Variants in ZBED6 observed in about 807,000 individuals in gnomAD.
ZBED6 encodes the protein zinc finger BED-type containing 6.
In ZBED6, 40 loss-of-function variants were observed where a neutral mutation model predicts 58.4. The observed-to-expected ratio is 0.68, with a 90% CI of 0.53 to 0.89. ZBED6 has a LOEUF of 0.89. Among genes scored for constraint, ZBED6 ranks in the 40% least tolerant of loss-of-function variants. The pLI is 0.00. For synonymous variants in ZBED6, 439 were observed against 350.6 expected (o/e 1.25, Z -2.82); for missense variants, 1,057 against 1,003.9 (o/e 1.05, Z -0.71).
At chr1:203,847,139 G>T in intron 11 of ZBED6, 45 bp from the exon 12 acceptor site, 1 of 1,600,144 alleles carries the variant, frequency 6.2e-7, no homozygotes, top group South Asian at 1.1e-5. Flanking sequence ...GTCAGTAAGA[G>T]ATGAACTTCA....
exon 1 of ZBED6, chr1:203,795,886 C>T (rs911527014): frequency 3.3e-5 from 5 of 151,914 alleles, no homozygotes; most frequent in South Asian, 4.2e-4. Context: ...TCCCCTCGCC[C>T]CTGGGTCGCG....
chr1:203,800,531 A>G lies in ZBED6; in HGVS notation c.*69A>G, dbSNP rs1571889803. On this transcript the variant is annotated 3_prime_UTR_variant, in exon 1 of 17. Transcript: ENST00000550078. The stretch of plus-strand genomic sequence containing the variant: ...CTGTATCTTAATAGCTGTAGTTGTT[A>G]AATATAATCATTATCTTTATAAACA... The G allele has an allele frequency of 2.2e-6, 3 of 1,367,958 alleles. No individual in the cohort carries two copies. The East Asian group carries it at 7.7e-5, about 35-fold the overall frequency. The allele number at this position is 1,367,958 out of a possible 1,614,324, so 84.7% of individuals were successfully genotyped here.
exon 13 of ZBED6, chr1:203,848,394 C>A: frequency 6.2e-7 from 1 of 1,609,908 alleles, no homozygotes; most frequent in South Asian, 1.1e-5. Context: ...AGTATTAGAA[C>A]AGAAGCTAAA....
chr1:203,834,492 C>T (rs1683558964), intron 9 of ZBED6, among the ~76,000 whole-genome samples: 1 of 151,830 alleles, frequency 6.6e-6, no homozygotes, highest in East Asian at 1.9e-4. Flanking sequence ...GGCTGGTCTC[C>T]AACTCCTGGG....
intron 11 of ZBED6, among the ~76,000 whole-genome samples, chr1:203,845,041 T>C (rs1025361964): frequency 6.6e-6 from 1 of 152,142 alleles, no homozygotes; most frequent in Non-Finnish European, 1.5e-5. Context: ...ATCCCACCGT[T>C]GCTTTTAATA....
At chr1:203,842,130 G>A (rs1169349889) in intron 11 of ZBED6, among the ~76,000 whole-genome samples, 1 of 149,840 alleles carries the variant, frequency 6.7e-6, no homozygotes, top group Admixed American at 6.6e-5. Context: ...GCGGCTGGGC[G>A]GAAGGGCTCC....
intron 1 of ZBED6, among the ~76,000 whole-genome samples, chr1:203,808,279 A>G (rs879489075): frequency 6.6e-6 from 1 of 152,180 alleles, no homozygotes; most frequent in African/African-American, 2.4e-5. Flanking sequence ...GTCTTTTGGC[A>G]TTTAGAGATT....
intron 4 of ZBED6, chr1:203,829,216 G>C (rs1456454689): frequency 1.8e-6 from 1 of 566,960 alleles, no homozygotes; most frequent in East Asian, 3.0e-5. Flanking sequence ...CTAGTCTTCT[G>C]TTGATTCTGT....
At chr1:203,848,661 G>T (rs1484028393) in intron 13 of ZBED6, among the ~76,000 whole-genome samples, 1 of 152,230 alleles carries the variant, frequency 6.6e-6, no homozygotes, top group Non-Finnish European at 1.5e-5. Context: ...GCTGAGGCGG[G>T]CGGATCACGA....
chr1:203,808,662 G>A (rs888088213), intron 1 of ZBED6, among the ~76,000 whole-genome samples: 5 of 152,054 alleles, frequency 3.3e-5, no homozygotes, highest in Non-Finnish European at 7.3e-5. Context: ...TGGAGATGTC[G>A]TGTCAGTAAT....
At chr1:203,805,726 T>C (rs1381147620) in intron 1 of ZBED6, 1 of 664,216 alleles carries the variant, frequency 1.5e-6, no homozygotes, top group Non-Finnish European at 2.9e-6. Context: ...TGCTGGCTCA[T>C]CTAAATAGAA....
chr1:203,841,182 CATTCT>C (rs1686061634), intron 11 of ZBED6, among the ~76,000 whole-genome samples: 1 of 138,228 alleles, frequency 7.2e-6, no homozygotes, highest in African/African-American at 2.7e-5. Flanking sequence ...ATTTATTGAT[CATTCT>C]TGGGTGTTTC....
rs1668865488 is a variant in ZBED6, at chr1:203,797,280, T to C, written c.-243T>C. 5 of 331,324 alleles carry C rather than the reference T, an allele frequency of 1.5e-5. No individual in the cohort carries two copies. In the East Asian group the frequency reaches 2.8e-4, roughly 19 times the overall value. 20.5% of individuals were successfully genotyped at this position (331,324 alleles called of 1,614,324 possible). A position where few individuals can be genotyped will look rare whatever the true frequency, so the allele number is the denominator to read the frequency against. ...ACATGAGGACACTGGACTATTTGAA[T>C]TCAGAACTTAGAAAATTGGAAGGGA... On this transcript the variant is annotated 5_prime_UTR_variant, in exon 1 of 17. Transcript: ENST00000550078.
exon 1 of ZBED6, chr1:203,799,149 T>C (rs1228744558): frequency 6.7e-7 from 1 of 1,483,678 alleles, no homozygotes. Context: ...TTTACAAGAA[T>C]TAAATGACCA....
rs1675515585 is a variant in ZBED6 at position 203,814,332 on chromosome 1, T to A, written c.*2555-2594T>A. ...TGAGGTCAGAAGTTCAAGACCAGCC[T>A]GGCCAACATGGCGAAACCCTGTCTC... On this transcript the variant is annotated intron_variant, in intron 1 of 16. Transcript: ENST00000550078. Among the ~76,000 whole-genome samples, 3 of 152,180 alleles carry A rather than the reference T, an allele frequency of 2.0e-5. No individual in the cohort carries two copies. In the South Asian group the frequency reaches 6.2e-4, roughly 31 times the overall value.
intron 12 of ZBED6, 32 bp downstream of exon 12, chr1:203,847,719 T>G: frequency 6.3e-7 from 1 of 1,596,254 alleles, no homozygotes; most frequent in South Asian, 1.1e-5. Flanking sequence ...TAGTACCACG[T>G]CCCCACATAA....
At position 203,818,990 on chromosome 1, in the gene ZBED6, A is replaced by C. The variant is rs568790688; in HGVS notation, c.*2873+301A>C. 6.5e-4 allele frequency among the ~76,000 whole-genome samples: 98 copies of C among 151,202 alleles called. 1 individual carries two copies. The highest frequency in any genetic ancestry group is 1.2e-3 in the Admixed American group (18 of 15,168). ...AGGCTGAGGCAGGAAAATCGCTCGAACCAGGGAGTTGGAGGTTGCAGTGAG... is the reference window on the plus strand; with the variant it reads ...AGGCTGAGGCAGGAAAATCGCTCGACCCAGGGAGTTGGAGGTTGCAGTGAG... On this transcript the variant is annotated intron_variant, in intron 3 of 16. Coordinates refer to ENST00000550078, the Ensembl canonical transcript of ZBED6.
At chr1:203,834,183 G>GT (rs1281911934) in intron 9 of ZBED6, 11 of 621,524 alleles carry the variant, frequency 1.8e-5, no homozygotes, top group Non-Finnish European at 2.2e-5. Flanking sequence ...AATATAATGT[G>GT]TGTCTCTTAG....
intron 3 of ZBED6, among the ~76,000 whole-genome samples, chr1:203,819,138 A>T (rs1243167817): frequency 6.8e-6 from 1 of 146,542 alleles, no homozygotes; most frequent in Non-Finnish European, 1.5e-5. Flanking sequence ...ATACATATGT[A>T]TATGTGTGTA....
Sources: gnomAD v4.1 joint callset for allele counts (sites outside exome capture counted in the v4.1 genomes callset) on GRCh38, gnomAD v4.1.1 for gene constraint, MANE v1.5 for transcripts, NCBI Gene and HGNC (gene_info 2026-07-23, HGNC 2026-07-21) for gene names.